MCTP1: variants seen among roughly 807,000 people sequenced by gnomAD.
The protein encoded by MCTP1 is multiple C2 and transmembrane domain containing 1.
In MCTP1, 69 loss-of-function variants were observed where a neutral mutation model predicts 120.6. The observed-to-expected ratio is 0.57, with a 90% CI of 0.47 to 0.70. The LOEUF is 0.70. Ranked by LOEUF, MCTP1 falls within the 30% of genes least tolerant of loss-of-function variation. The pLI, the probability that MCTP1 is intolerant of heterozygous loss-of-function variation, is 0.00. For synonymous variants in MCTP1, 529 were observed against 493.1 expected (o/e 1.07, Z -0.96); for missense variants, 1,203 against 1,248.8 (o/e 0.96, Z 0.55).
intron 3 of MCTP1, among the ~76,000 whole-genome samples, chr5:94,952,841 A>T (rs548584360): frequency 6.6e-6 from 1 of 152,240 alleles, no homozygotes; most frequent in Admixed American, 6.5e-5. Flanking sequence ...TGCAGCCAGA[A>T]ATGGCAGATC....
At chr5:94,921,523 T>C (rs1811660465) in intron 7 of MCTP1, among the ~76,000 whole-genome samples, 1 of 152,232 alleles carries the variant, frequency 6.6e-6, no homozygotes, top group Admixed American at 6.5e-5. Flanking sequence ...ATACTCTTCA[T>C]GAAAGATTTT....
At chr5:94,862,905 C>T (rs980618680) in intron 17 of MCTP1, among the ~76,000 whole-genome samples, 3 of 151,640 alleles carry the variant, frequency 2.0e-5, no homozygotes, top group African/African-American at 7.3e-5. Context: ...AATTGTGGTA[C>T]GAGAAACTTC....
intron 2 of MCTP1, among the ~76,000 whole-genome samples, chr5:94,981,326 CA>C (rs1468346653): frequency 1.3e-5 from 2 of 152,156 alleles, no homozygotes; most frequent in Non-Finnish European, 1.5e-5. Flanking sequence ...GCTACTTTTC[CA>C]ATGCCATTAA....
intron 14 of MCTP1, 99 bp from the exon 15 acceptor site, chr5:94,871,072 C>A: frequency 1.0e-6 from 1 of 954,832 alleles, no homozygotes; most frequent in Admixed American, 1.9e-5. Context: ...TGACAGAGAA[C>A]CCAAAACAAC....
At chr5:94,778,813 AC>A (rs1775970066) in intron 19 of MCTP1, among the ~76,000 whole-genome samples, 1 of 152,188 alleles carries the variant, frequency 6.6e-6, no homozygotes, top group African/African-American at 2.4e-5. Flanking sequence ...TTGCCCTTCA[AC>A]AACAGTCATC....
intron 19 of MCTP1, among the ~76,000 whole-genome samples, chr5:94,747,832 T>G (rs1207597628): frequency 6.6e-6 from 1 of 152,128 alleles, no homozygotes; most frequent in Non-Finnish European, 1.5e-5. Context: ...GGCTCACGCC[T>G]GTAAACCCAG....
In MCTP1 at chr5:94,796,059, C is replaced by T. The variant is rs114612662; in HGVS notation, c.2556+2954G>A. Among the ~76,000 whole-genome samples the T allele has an allele frequency of 7.3e-3, 1,119 of 152,334 alleles. 8 individuals are homozygous for T. The highest frequency in any genetic ancestry group is 0.027 in the Middle Eastern group (8 of 294). ...CTTTCCTGTTTGGTATTAATCTCAA[C>T]TATTAGCCAATACATTGAAGACAGA... On this transcript the variant is annotated intron_variant, in intron 18 of 22. Coordinates refer to ENST00000515393, the MANE Select transcript of MCTP1 (RefSeq NM_024717.7).
chr5:94,764,939 T>C (rs1250358246), intron 19 of MCTP1, among the ~76,000 whole-genome samples: 1 of 150,754 alleles, frequency 6.6e-6, no homozygotes, highest in South Asian at 2.1e-4. Context: ...AGCTGCAGAA[T>C]ACACATTCTT....
intron 12 of MCTP1, among the ~76,000 whole-genome samples, chr5:94,883,997 C>T (rs757213202): frequency 2.0e-5 from 3 of 152,130 alleles, no homozygotes; most frequent in Non-Finnish European, 2.9e-5. Context: ...TTTTCATTTT[C>T]TTTCTCTGAA....
chr5:94,728,731 T>C (rs1425869884), intron 19 of MCTP1, among the ~76,000 whole-genome samples: 4 of 152,190 alleles, frequency 2.6e-5, no homozygotes, highest in Non-Finnish European at 5.9e-5. Flanking sequence ...CAAACGGTAA[T>C]ATTTTCATTT....
chr5:94,808,778 G>A (rs2153056245), intron 17 of MCTP1, among the ~76,000 whole-genome samples: 1 of 152,276 alleles, frequency 6.6e-6, no homozygotes, highest in East Asian at 1.9e-4. Flanking sequence ...TAGAAAAAAA[G>A]TGAGAAATTG....
chr5:94,850,964 A>T (rs1456709336), intron 17 of MCTP1, among the ~76,000 whole-genome samples: 1 of 152,124 alleles, frequency 6.6e-6, no homozygotes, highest in Admixed American at 6.6e-5. Context: ...AACTATCTAC[A>T]TTCAATATTT....
chr5:95,283,268 T>C (rs1243166976), intron 1 of MCTP1, among the ~76,000 whole-genome samples: 3 of 152,232 alleles, frequency 2.0e-5, no homozygotes, highest in Non-Finnish European at 4.4e-5. Context: ...TAGGAACATA[T>C]GCATTTGACT....
intron 19 of MCTP1, among the ~76,000 whole-genome samples, chr5:94,732,756 T>C (rs1486191749): frequency 6.6e-6 from 1 of 152,150 alleles, no homozygotes. Context: ...GAAAGACAGC[T>C]GTCTATAGAA....
At chr5:94,980,401 A>G (rs1278300479) in intron 2 of MCTP1, among the ~76,000 whole-genome samples, 1 of 152,174 alleles carries the variant, frequency 6.6e-6, no homozygotes, top group Non-Finnish European at 1.5e-5. Flanking sequence ...ACCCAGTAAC[A>G]TATGACACAT....
chr5:94,964,542 A>T (rs574933663), intron 2 of MCTP1, among the ~76,000 whole-genome samples: 26 of 152,160 alleles, frequency 1.7e-4, no homozygotes, highest in Non-Finnish European at 3.4e-4. Context: ...AATTTTGGGT[A>T]CATATATATT....
chr5:94,726,625 T>C (rs1288463304), intron 19 of MCTP1, among the ~76,000 whole-genome samples: 1 of 152,210 alleles, frequency 6.6e-6, no homozygotes, highest in Admixed American at 6.5e-5. Context: ...TAATCACATC[T>C]TTTATAGGAC....
At chr5:95,208,033 G>A (rs1235320440) in intron 1 of MCTP1, among the ~76,000 whole-genome samples, 2 of 150,478 alleles carry the variant, frequency 1.3e-5, no homozygotes, top group Admixed American at 1.3e-4. Flanking sequence ...GAGAGAGAAA[G>A]AGAGAGCAAG....
chr5:95,088,441 C>T (rs1755599508), intron 1 of MCTP1, among the ~76,000 whole-genome samples: 1 of 152,210 alleles, frequency 6.6e-6, no homozygotes, highest in Non-Finnish European at 1.5e-5. Context: ...TCATTGGCAC[C>T]ATGGAGCAGC....
Sources: allele counts gnomAD v4.1 joint callset (sites outside exome capture counted in the v4.1 genomes callset), GRCh38; gene constraint gnomAD v4.1.1; transcripts MANE v1.5; gene names NCBI Gene and HGNC (gene_info 2026-07-23, HGNC 2026-07-21).